Variants in SRGAP2C observed in about 807,000 individuals in gnomAD.
SRGAP2C encodes SLIT-ROBO Rho GTPase-activating protein 2C.
Under a neutral mutation model 25.1 loss-of-function variants are expected in SRGAP2C, and 15 were observed. The observed-to-expected ratio is 0.60, with a 90% CI of 0.40 to 0.92. The LOEUF is 0.92. Ranked by LOEUF, SRGAP2C falls within the 40% of genes least tolerant of loss-of-function variation. SRGAP2C has a pLI of 0.00. For synonymous variants in SRGAP2C, 44 were observed against 96.6 expected (o/e 0.46, Z 3.19); for missense variants, 144 against 264.4 (o/e 0.54, Z 3.16).
chr1:121,321,053 T>C (rs1658193727), intron 3 of SRGAP2C, among the ~76,000 whole-genome samples: 1 of 151,428 alleles, frequency 6.6e-6, no homozygotes, highest in Non-Finnish European at 1.5e-5. Flanking sequence ...GCTACATGTA[T>C]TCTAATTAAT....
intron 2 of SRGAP2C, among the ~76,000 whole-genome samples, chr1:121,236,268 C>T (rs1655956164): frequency 1.3e-5 from 2 of 152,004 alleles, no homozygotes; most frequent in Admixed American, 1.3e-4. Flanking sequence ...TGGGCATCAA[C>T]AGATCGAAAA....
chr1:121,310,685 C>A (rs1657962681), intron 3 of SRGAP2C, among the ~76,000 whole-genome samples: 1 of 88,434 alleles, frequency 1.1e-5, no homozygotes, highest in Non-Finnish European at 2.4e-5. Context: ...ATAAGGAATC[C>A]TTTCCCCATT....
chr1:121,202,310 C>G (rs1373481522), intron 2 of SRGAP2C, among the ~76,000 whole-genome samples: 1 of 152,042 alleles, frequency 6.6e-6, no homozygotes. Flanking sequence ...CTGGAGTCTT[C>G]TTCTTTCCTG....
chr1:121,323,703 C>T (rs1260477504), intron 3 of SRGAP2C, among the ~76,000 whole-genome samples: 2 of 136,244 alleles, frequency 1.5e-5, no homozygotes, highest in African/African-American at 2.8e-5. Flanking sequence ...TTTAGGAACA[C>T]ATGTTCAGGT....
chr1:121,212,425 C>T (rs140612720), intron 2 of SRGAP2C, among the ~76,000 whole-genome samples: 97 of 152,256 alleles, frequency 6.4e-4, no homozygotes, highest in African/African-American at 2.2e-3. Flanking sequence ...CCACCATACC[C>T]AGCCCAGAAT....
In SRGAP2C at chr1:121,212,313, G is replaced by A. The variant is rs1486496065; in HGVS notation, c.67+24800G>A. Among the ~76,000 whole-genome samples, 9 of 150,174 alleles carry A rather than the reference G, an allele frequency of 6.0e-5. No homozygotes were observed. In the East Asian group the frequency reaches 1.8e-3, roughly 30 times the overall value. Reference sequence around the variant, plus strand: ...GCTCGGCTAATTTTTGTATTTTTTAGTAGAGATGGGGTTTCACCATATTGG... The same window carrying A: ...GCTCGGCTAATTTTTGTATTTTTTAATAGAGATGGGGTTTCACCATATTGG... On this transcript the variant is annotated intron_variant, in intron 2 of 9. Transcript: ENST00000367123.
At chr1:121,238,585 G>A (rs1190687969) in intron 2 of SRGAP2C, among the ~76,000 whole-genome samples, 3 of 151,848 alleles carry the variant, frequency 2.0e-5, no homozygotes, top group Non-Finnish European at 2.9e-5. Flanking sequence ...TTTTAAGCAG[G>A]GGAGTGACAT....
At chr1:121,358,755 T>G (rs1360429414) in intron 4 of SRGAP2C, among the ~76,000 whole-genome samples, 2 of 132,902 alleles carry the variant, frequency 1.5e-5, no homozygotes, top group Admixed American at 8.7e-5. Context: ...AATAGCTGGA[T>G]TTTTTGAAAT....
intron 2 of SRGAP2C, among the ~76,000 whole-genome samples, chr1:121,249,572 ATATATATATTTTTTTT>A (rs1202868902): frequency 4.0e-4 from 11 of 27,488 alleles, no homozygotes; most frequent in African/African-American, 1.3e-3. Context: ...ATATATATAT[ATATATATATTTTTTTT>A]TTTTTTTTTT....
chr1:121,305,767 T>G (rs1657814331), intron 3 of SRGAP2C, among the ~76,000 whole-genome samples: 1 of 122,516 alleles, frequency 8.2e-6, no homozygotes, highest in Admixed American at 8.7e-5. Flanking sequence ...AATTTTAGAA[T>G]AGTTTTGGGG....
intron 2 of SRGAP2C, among the ~76,000 whole-genome samples, chr1:121,268,340 GT>G (rs1194676881): frequency 6.6e-6 from 1 of 151,310 alleles, no homozygotes; most frequent in Non-Finnish European, 1.5e-5. Flanking sequence ...TGCTTGCCAT[GT>G]TCTATGACCA....
chr1:121,378,809 T>C (rs1206147471), intron 7 of SRGAP2C, among the ~76,000 whole-genome samples: 1 of 152,160 alleles, frequency 6.6e-6, no homozygotes, highest in Non-Finnish European at 1.5e-5. Context: ...TTTTTGTTGA[T>C]GCCATTACAT....
intron 7 of SRGAP2C, among the ~76,000 whole-genome samples, chr1:121,379,304 C>G (rs1659751313): frequency 6.6e-6 from 1 of 151,542 alleles, no homozygotes; most frequent in Admixed American, 6.6e-5. Context: ...GCTATCAACT[C>G]AAGTCATCAT....
In SRGAP2C at chr1:121,392,501, A is replaced by G. The variant is rs1313911528; in HGVS notation, c.*4646A>G. On this transcript the variant is annotated 3_prime_UTR_variant, in exon 10 of 10. Transcript: ENST00000367123. Reference sequence around the variant, plus strand: ...TCTTTTGAGATTTATAGTCACTCAAATAAAGAGATAACCCAAACATAAGCG... The same window carrying G: ...TCTTTTGAGATTTATAGTCACTCAAGTAAAGAGATAACCCAAACATAAGCG... 4.7e-5 allele frequency: 7 copies of G among 149,604 alleles called. No individual in the cohort carries two copies. The highest frequency in any genetic ancestry group is 1.7e-4 in the African/African-American group (7 of 40,522). The allele number at this position is 149,604 out of a possible 1,614,324, so 9.3% of individuals were successfully genotyped here. A position where few individuals can be genotyped will look rare whatever the true frequency, so the allele number is the denominator to read the frequency against.
chr1:121,335,217 C>T (rs1553342336), intron 4 of SRGAP2C, among the ~76,000 whole-genome samples: 17 of 150,728 alleles, frequency 1.1e-4, no homozygotes, highest in East Asian at 3.9e-4. Flanking sequence ...CACTTGAACC[C>T]GGAAGGTGGA....
intron 2 of SRGAP2C, among the ~76,000 whole-genome samples, chr1:121,222,704 G>A (rs782142043): frequency 9.9e-5 from 15 of 152,244 alleles, no homozygotes; most frequent in Non-Finnish European, 1.3e-4. Flanking sequence ...AAACTTAACT[G>A]TGGGTGTTCA....
chr1:121,270,820 T>G, intron 2 of SRGAP2C, among the ~76,000 whole-genome samples: 1 of 145,084 alleles, frequency 6.9e-6, no homozygotes, highest in African/African-American at 2.6e-5. Flanking sequence ...TGAGACGGAG[T>G]CTCGCTCTGT....
intron 4 of SRGAP2C, among the ~76,000 whole-genome samples, chr1:121,337,590 C>T (rs1658545069): frequency 6.6e-6 from 1 of 151,568 alleles, no homozygotes; most frequent in Non-Finnish European, 1.5e-5. Context: ...CAAGATTGTG[C>T]CATTGTACTC....
At position 121,255,725 on chromosome 1, in the gene SRGAP2C, G is replaced by C. The variant is rs186875946; in HGVS notation, c.68-29078G>C. On this transcript the variant is annotated intron_variant, in intron 2 of 9. Coordinates refer to ENST00000367123, the MANE Select transcript of SRGAP2C (RefSeq NM_001329984.2). ...CCCAGCTACTCAGGAGGCTGAGACA[G>C]GAGAATCACTTGAACCCGGGAGGCG... 4.0e-5 allele frequency among the ~76,000 whole-genome samples: 6 copies of C among 151,856 alleles called. No homozygotes were observed. The South Asian group carries it at 1.2e-3, about 32-fold the overall frequency.
Sources: allele counts gnomAD v4.1 joint callset (sites outside exome capture counted in the v4.1 genomes callset), GRCh38; gene constraint gnomAD v4.1.1; transcripts MANE v1.5; gene names NCBI Gene and HGNC (gene_info 2026-07-23, HGNC 2026-07-21).